Variants in AFG2B observed in about 807,000 individuals in gnomAD.
The protein encoded by AFG2B is ATPase family gene 2 protein homolog B.
the AFG2B span, among the ~76,000 whole-genome samples, chr15:45,409,615 C>G: frequency 6.6e-6 from 1 of 151,910 alleles, no homozygotes; most frequent in Non-Finnish European, 1.5e-5. Flanking sequence ...AATCCCAGCA[C>G]TTTGGGAGGC....
At chr15:45,414,749 T>C in the AFG2B span, 1 of 1,614,162 alleles carries the variant, frequency 6.2e-7, no homozygotes, top group Non-Finnish European at 8.5e-7. Flanking sequence ...TTTTCACCGT[T>C]TGTTGGAGAT....
the AFG2B span, chr15:45,414,583 C>G: frequency 1.9e-6 from 3 of 1,613,946 alleles, no homozygotes; most frequent in Non-Finnish European, 2.5e-6. Flanking sequence ...CATTGAGTGG[C>G]CTCTGAAATT....
the AFG2B span, among the ~76,000 whole-genome samples, chr15:45,411,439 C>T: frequency 3.3e-5 from 5 of 152,132 alleles, no homozygotes; most frequent in Non-Finnish European, 5.9e-5. Context: ...CTCAGTGCCC[C>T]ACCAAGTAGC....
At chr15:45,411,452 G>A in the AFG2B span, among the ~76,000 whole-genome samples, 3 of 152,020 alleles carry the variant, frequency 2.0e-5, no homozygotes, top group Non-Finnish European at 4.4e-5. Flanking sequence ...CAAGTAGCTG[G>A]GACTACAGGT....
the AFG2B span, chr15:45,410,454 T>C: frequency 6.2e-7 from 1 of 1,613,700 alleles, no homozygotes; most frequent in East Asian, 2.2e-5. Flanking sequence ...CGAAGCGTCA[T>C]TGGATTAATG....
chr15:45,420,694 T>TA, the AFG2B span, among the ~76,000 whole-genome samples: 24,015 of 148,778 alleles, frequency 0.16, 1,931 homozygotes, highest in Middle Eastern at 0.25. Flanking sequence ...CATATATTGT[T>TA]AAAAAAAAAA....
chr15:45,414,574 A>G, the AFG2B span: 3 of 1,613,932 alleles, frequency 1.9e-6, no homozygotes, highest in Non-Finnish European at 1.7e-6. Flanking sequence ...CTTTCAGAGC[A>G]TTGAGTGGCC....
At chr15:45,402,953 CTGGG>C in the AFG2B span, 1 of 1,597,280 alleles carries the variant, frequency 6.3e-7, no homozygotes, top group South Asian at 1.1e-5. Context: ...CCCGATCCCG[CTGGG>C]CTGGTCACCC....
the AFG2B span, chr15:45,417,237 G>T: frequency 1.3e-6 from 2 of 1,598,568 alleles, no homozygotes; most frequent in South Asian, 2.2e-5. Context: ...ACAACTGATT[G>T]ACATTACTTT....
At chr15:45,406,994 G>A in the AFG2B span, 34 of 1,281,388 alleles carry the variant, frequency 2.7e-5, no homozygotes, top group Non-Finnish European at 3.4e-5. Flanking sequence ...AGATGGGAAG[G>A]GAGATTTACA....
At chr15:45,421,360 G>A in the AFG2B span, 26 of 487,532 alleles carry the variant, frequency 5.3e-5, no homozygotes, top group Non-Finnish European at 7.9e-5. Context: ...TGCCTGATAA[G>A]CTAAGGCTCA....
chr15:45,417,449 A>G, the AFG2B span: 1 of 1,602,270 alleles, frequency 6.2e-7, no homozygotes, highest in Non-Finnish European at 8.5e-7. Flanking sequence ...ATTGAATTCC[A>G]ACTTGGATAT....
the AFG2B span, chr15:45,414,573 C>G: frequency 6.2e-7 from 1 of 1,613,536 alleles, no homozygotes; most frequent in African/African-American, 1.3e-5. Context: ...ACTTTCAGAG[C>G]ATTGAGTGGC....
At chr15:45,405,201 TC>T in the AFG2B span, 1 of 981,942 alleles carries the variant, frequency 1.0e-6, no homozygotes, top group Non-Finnish European at 1.5e-6. Context: ...CCCCAACCCT[TC>T]CCAGTGTCTG....
chr15:45,405,379 GA>G, the AFG2B span: 1 of 1,613,984 alleles, frequency 6.2e-7, no homozygotes, highest in Admixed American at 1.7e-5. Context: ...TGATTACCTC[GA>G]AGATGCCCAT....
At chr15:45,406,733 A>T in the AFG2B span, among the ~76,000 whole-genome samples, 2 of 152,228 alleles carry the variant, frequency 1.3e-5, no homozygotes, top group African/African-American at 4.8e-5. Flanking sequence ...TTTTCATCTT[A>T]AACTGCAAAA....
the AFG2B span, chr15:45,402,636 C>A: frequency 6.3e-7 from 1 of 1,577,646 alleles, no homozygotes. Context: ...ACGGAGCGGA[C>A]GGCTTTGTGC....
the AFG2B span, chr15:45,414,714 C>G: frequency 8.1e-6 from 13 of 1,614,132 alleles, no homozygotes; most frequent in African/African-American, 1.3e-5. Flanking sequence ...ACTGCTCTTT[C>G]GTTTCAGTGA....
the AFG2B span, among the ~76,000 whole-genome samples, chr15:45,409,374 C>CAA: frequency 8.4e-5 from 7 of 83,616 alleles, no homozygotes; most frequent in South Asian, 3.8e-4. Flanking sequence ...GAGACCCCGC[C>CAA]AAAAAAAAAA....
Sources: allele counts gnomAD v4.1 joint callset (sites outside exome capture counted in the v4.1 genomes callset), GRCh38; gene constraint gnomAD v4.1.1; transcripts MANE v1.5; gene names NCBI Gene and HGNC (gene_info 2026-07-23, HGNC 2026-07-21).